SCEL: variants seen among roughly 807,000 people sequenced by gnomAD.
SCEL encodes the protein sciellin.
Under a neutral mutation model 117.6 loss-of-function variants are expected in SCEL, and 113 were observed. The ratio of observed to expected loss-of-function variants is 0.96; its 90% CI spans 0.83 to 1.12. SCEL has a LOEUF of 1.12. SCEL is among the 50% of genes most tolerant of loss of function. The pLI, the probability that SCEL is intolerant of heterozygous loss-of-function variation, is 0.00. For missense variants in SCEL, 785 were observed against 810.8 expected, an observed-to-expected ratio of 0.97 and a Z score of 0.39; for synonymous variants, 270 against 256.2, an observed-to-expected ratio of 1.05 and a Z score of -0.51.
intron 27 of SCEL, among the ~76,000 whole-genome samples, chr13:77,627,530 A>G (rs2089801575): frequency 6.6e-6 from 1 of 152,204 alleles, no homozygotes; most frequent in Admixed American, 6.5e-5. Flanking sequence ...GCATAAAGAA[A>G]AGATAAACAT....
intron 19 of SCEL, 109 bp from the exon 20 acceptor site, chr13:77,607,947 T>G: frequency 1.4e-6 from 1 of 740,016 alleles, no homozygotes; most frequent in Non-Finnish European, 2.2e-6. Context: ...ATGATCTCAA[T>G]GAGTGTTTAC....
At chr13:77,587,451 T>C (rs2086627798) in intron 9 of SCEL, among the ~76,000 whole-genome samples, 2 of 152,222 alleles carry the variant, frequency 1.3e-5, no homozygotes, top group South Asian at 4.1e-4. Context: ...CCCATTTCTG[T>C]CTTCCTACTT....
At chr13:77,617,520 C>A in intron 24 of SCEL, 79 bp from the exon 25 acceptor site, 1 of 817,566 alleles carries the variant, frequency 1.2e-6, no homozygotes, top group South Asian at 1.7e-5. Context: ...ATACTATTAT[C>A]CTTTCTATCC....
chr13:77,586,781 CA>C (rs1202887430), intron 9 of SCEL, among the ~76,000 whole-genome samples: 1 of 152,164 alleles, frequency 6.6e-6, no homozygotes, highest in African/African-American at 2.4e-5. Flanking sequence ...TTTATGCAGC[CA>C]GACTTTCCCT....
chr13:77,581,534 C>G (rs569150836), intron 9 of SCEL, among the ~76,000 whole-genome samples: 6 of 152,216 alleles, frequency 3.9e-5, no homozygotes, highest in African/African-American at 1.4e-4. Context: ...CTCTTGTTGC[C>G]TCCGCCCCTG....
chr13:77,549,338 A>G (rs2084171088), intron 1 of SCEL, among the ~76,000 whole-genome samples: 2 of 152,114 alleles, frequency 1.3e-5, no homozygotes, highest in Non-Finnish European at 2.9e-5. Context: ...CCTGTTAGCC[A>G]TTTGTATGTC....
chr13:77,607,557 A>G (rs2088304853), intron 19 of SCEL, among the ~76,000 whole-genome samples: 1 of 152,180 alleles, frequency 6.6e-6, no homozygotes, highest in African/African-American at 2.4e-5. Context: ...TTTTTAACAA[A>G]TTGGTGTATT....
At chr13:77,555,427 CT>C (rs1193557665) in intron 1 of SCEL, among the ~76,000 whole-genome samples, 4 of 152,214 alleles carry the variant, frequency 2.6e-5, no homozygotes, top group African/African-American at 9.7e-5. Context: ...AGGAGCCCTT[CT>C]TTGGGCGTTC....
chr13:77,584,280 C>T (rs1007170861), intron 9 of SCEL, among the ~76,000 whole-genome samples: 1 of 152,190 alleles, frequency 6.6e-6, no homozygotes, highest in Non-Finnish European at 1.5e-5. Flanking sequence ...CCTCTCATTG[C>T]CCGCCCCACC....
intron 28 of SCEL, among the ~76,000 whole-genome samples, chr13:77,632,641 T>TA (rs1416446527): frequency 6.6e-6 from 1 of 152,228 alleles, no homozygotes; most frequent in African/African-American, 2.4e-5. Context: ...GATTAAGACC[T>TA]AAACCCTCAT....
intron 1 of SCEL, among the ~76,000 whole-genome samples, chr13:77,546,406 G>C (rs999290232): frequency 1.3e-5 from 2 of 152,142 alleles, no homozygotes; most frequent in East Asian, 1.9e-4. Flanking sequence ...GGTTATTTAA[G>C]CTCTCTGAGG....
At chr13:77,572,941 C>G (rs549201752) in intron 9 of SCEL, among the ~76,000 whole-genome samples, 5 of 152,172 alleles carry the variant, frequency 3.3e-5, no homozygotes, top group African/African-American at 1.2e-4. Flanking sequence ...AATGTGGGCT[C>G]TTGATGCCCA....
At position 77,582,354 on chromosome 13, in the gene SCEL, G is replaced by A. The variant is rs142008109; in HGVS notation, c.546-6790G>A. 9.5e-4 allele frequency among the ~76,000 whole-genome samples: 144 copies of A among 152,186 alleles called. 1 individual carries two copies. Among genetic ancestry groups the A allele is most frequent in the African/African-American group, 3.2e-3 (134 of 41,526 alleles). On this transcript the variant is annotated intron_variant, in intron 9 of 32. Transcript: ENST00000349847. ...TGATTCTCATGCCTCAGCCTCCTGA[G>A]TAGCTGGGACTACAGGTGCGTGCCA...
intron 10 of SCEL, among the ~76,000 whole-genome samples, chr13:77,590,958 C>T (rs1477994210): frequency 3.3e-5 from 5 of 152,220 alleles, no homozygotes; most frequent in Non-Finnish European, 7.4e-5. Context: ...GTACTTGAAA[C>T]ATAGACTCTT....
chr13:77,610,234 C>T lies in SCEL; in HGVS notation c.1337+128C>T. 2 of 520,294 alleles carry T rather than the reference C, an allele frequency of 3.8e-6. 1 individual carries two copies. Among genetic ancestry groups the T allele is most frequent in the South Asian group, 6.7e-5 (2 of 29,702 alleles). 32.2% of individuals were successfully genotyped at this position (520,294 alleles called of 1,614,324 possible). A position where few individuals can be genotyped will look rare whatever the true frequency, so the allele number is the denominator to read the frequency against. On this transcript the variant is annotated intron_variant, in intron 22 of 32. Coordinates refer to ENST00000349847, the MANE Select transcript of SCEL (RefSeq NM_144777.3). ...TTAGGAGGCCGAGGCGGGAGGATCA[C>T]AAGGTCAGGAGATGGAGACCATCCT...
chr13:77,575,781 T>G (rs2085907593), intron 9 of SCEL, among the ~76,000 whole-genome samples: 1 of 152,232 alleles, frequency 6.6e-6, no homozygotes, highest in Non-Finnish European at 1.5e-5. Context: ...GTTTTCTGTC[T>G]TCTTTCTTCT....
chr13:77,568,394 A>C, intron 7 of SCEL, 61 bp downstream of exon 7: 1 of 1,095,730 alleles, frequency 9.1e-7, no homozygotes, highest in East Asian at 2.5e-5. Context: ...AACCAGGGAA[A>C]ACCACCTCAG....
intron 20 of SCEL, among the ~76,000 whole-genome samples, chr13:77,608,710 A>G (rs1453229844): frequency 6.6e-6 from 1 of 152,256 alleles, no homozygotes; most frequent in Non-Finnish European, 1.5e-5. Flanking sequence ...GAAATTATTA[A>G]CAAAACAGTT....
At chr13:77,619,227 TTCTA>T (rs1210426225) in intron 27 of SCEL, among the ~76,000 whole-genome samples, 2 of 152,208 alleles carry the variant, frequency 1.3e-5, no homozygotes, top group African/African-American at 4.8e-5. Flanking sequence ...CTAGCTTGTT[TTCTA>T]TCTGAGTATC....
Sources: allele counts gnomAD v4.1 joint callset (sites outside exome capture counted in the v4.1 genomes callset), GRCh38; gene constraint gnomAD v4.1.1; transcripts MANE v1.5; gene names NCBI Gene and HGNC (gene_info 2026-07-23, HGNC 2026-07-21).